Variants in DENND1A observed in about 807,000 individuals in gnomAD.
The protein encoded by DENND1A is DENN domain-containing protein 1A.
DENND1A carries 51 observed loss-of-function variants against 113.7 expected under a neutral mutation model. The ratio of observed to expected loss-of-function variants is 0.45; its 90% CI spans 0.36 to 0.57. The LOEUF (loss-of-function observed/expected upper bound fraction) is 0.57. Among genes scored for constraint, DENND1A ranks in the 20% least tolerant of loss-of-function variants. The pLI is 0.00. For synonymous variants in DENND1A, 565 were observed against 570.8 expected (o/e 0.99, Z 0.14); for missense variants, 1,258 against 1,395.9 (o/e 0.90, Z 1.57).
At chr9:123,607,359 G>C (rs899411912) in intron 11 of DENND1A, among the ~76,000 whole-genome samples, 2 of 150,242 alleles carry the variant, frequency 1.3e-5, no homozygotes, top group Admixed American at 1.3e-4. Flanking sequence ...TGAGGAAGAA[G>C]AGCATTCAGC....
In DENND1A at chr9:123,836,385, C is replaced by A. The variant is rs1841053195; in HGVS notation, c.88+42566G>T. Among the ~76,000 whole-genome samples the A allele has an allele frequency of 2.0e-5, 3 of 152,068 alleles. No homozygotes were observed. The South Asian group carries it at 6.2e-4, about 31-fold the overall frequency. The stretch of plus-strand genomic sequence containing the variant: ...AGTGCAGCCAAGCTCACACAAATTT[C>A]TTGACTATGGGTATTTTATTCACCA... On this transcript the variant is annotated intron_variant, in intron 2 of 23. Coordinates refer to ENST00000394215, the MANE Select transcript of DENND1A (RefSeq NM_001352964.2).
intron 1 of DENND1A, among the ~76,000 whole-genome samples, chr9:123,888,429 C>A (rs1333585040): frequency 2.6e-5 from 4 of 152,150 alleles, no homozygotes; most frequent in African/African-American, 9.7e-5. Context: ...AGTACCTCCC[C>A]CACAAAATAC....
At chr9:123,703,836 CAG>C in intron 5 of DENND1A, among the ~76,000 whole-genome samples, 1 of 152,028 alleles carries the variant, frequency 6.6e-6, no homozygotes, top group Non-Finnish European at 1.5e-5. Context: ...AAAAGGGGCA[CAG>C]AGAACTTTTG....
At chr9:123,698,851 A>T (rs1254930574) in intron 5 of DENND1A, among the ~76,000 whole-genome samples, 2 of 152,236 alleles carry the variant, frequency 1.3e-5, no homozygotes, top group Non-Finnish European at 2.9e-5. Context: ...AGATGGATCA[A>T]ACATATAAAG....
At chr9:123,416,099 G>A (rs1409981396) in intron 19 of DENND1A, among the ~76,000 whole-genome samples, 2 of 152,208 alleles carry the variant, frequency 1.3e-5, no homozygotes, top group Admixed American at 6.5e-5. Flanking sequence ...CAACAGTGTG[G>A]TTGGTGTGAG....
At chr9:123,728,506 A>AAAAAAAAAAAAAAAAAAAAAAAAAAAC (rs1564150268) in intron 5 of DENND1A, among the ~76,000 whole-genome samples, 1 of 145,814 alleles carries the variant, frequency 6.9e-6, no homozygotes, top group African/African-American at 2.7e-5. Context: ...AAAAAAAAAA[A>AAAAAAAAAAAAAAAAAAAAAAAAAAAC]AAAACAGGCA....
At chr9:123,412,182 G>T (rs2044358517) in intron 19 of DENND1A, among the ~76,000 whole-genome samples, 1 of 152,160 alleles carries the variant, frequency 6.6e-6, no homozygotes, top group Non-Finnish European at 1.5e-5. Context: ...CCTGCTCAAG[G>T]CTAGAGGCTG....
intron 13 of DENND1A, among the ~76,000 whole-genome samples, chr9:123,502,887 T>C (rs1339832742): frequency 6.6e-6 from 1 of 152,234 alleles, no homozygotes; most frequent in African/African-American, 2.4e-5. Context: ...GAAACATTTC[T>C]GAGCAACATG....
chr9:123,453,891 C>T (rs879770463), intron 16 of DENND1A, among the ~76,000 whole-genome samples: 1 of 152,190 alleles, frequency 6.6e-6, no homozygotes, highest in Non-Finnish European at 1.5e-5. Flanking sequence ...AGTATTGAAA[C>T]TCCCTTTATC....
Position 123,441,774 on chromosome 9 carries a change from A to G in DENND1A, c.1357-1283T>C, listed in dbSNP as rs1304918887. Among the ~76,000 whole-genome samples, 3 of 152,370 alleles carry G rather than the reference A, an allele frequency of 2.0e-5. No individual in the cohort carries two copies. The East Asian group carries it at 5.8e-4, about 29-fold the overall frequency. On this transcript the variant is annotated intron_variant, in intron 18 of 23. Transcript: ENST00000394215. ...AAAAATAACTCAGCCAGAATTATATAATGAACACAAGTTCCAATTATTTTC... is the reference window on the plus strand; with the variant it reads ...AAAAATAACTCAGCCAGAATTATATGATGAACACAAGTTCCAATTATTTTC...
chr9:123,577,712 C>T (rs561215299), intron 12 of DENND1A, among the ~76,000 whole-genome samples: 18 of 150,848 alleles, frequency 1.2e-4, no homozygotes, highest in Non-Finnish European at 2.4e-4. Context: ...CGAAGTTTAA[C>T]ATACACACAT....
chr9:123,678,907 C>T (rs1051945483), intron 5 of DENND1A, among the ~76,000 whole-genome samples: 10 of 152,150 alleles, frequency 6.6e-5, no homozygotes, highest in South Asian at 2.1e-4. Context: ...TTCTCCTTTC[C>T]TATTCTGTTA....
intron 5 of DENND1A, among the ~76,000 whole-genome samples, chr9:123,716,297 AC>A (rs1179704238): frequency 3.9e-5 from 6 of 152,192 alleles, no homozygotes; most frequent in African/African-American, 1.4e-4. Flanking sequence ...CATAACACTT[AC>A]CTTCAAAGAG....
chr9:123,505,247 T>G (rs2052821324), intron 13 of DENND1A, among the ~76,000 whole-genome samples: 1 of 152,264 alleles, frequency 6.6e-6, no homozygotes, highest in Non-Finnish European at 1.5e-5. Flanking sequence ...GGGCTTTATG[T>G]AAATATGTGA....
intron 9 of DENND1A, among the ~76,000 whole-genome samples, chr9:123,641,854 T>C (rs1447259288): frequency 1.3e-5 from 2 of 152,192 alleles, no homozygotes; most frequent in African/African-American, 4.8e-5. Flanking sequence ...ATACTAGACT[T>C]TGTGAACCAG....
At chr9:123,892,838 C>T (rs557178656) in intron 1 of DENND1A, among the ~76,000 whole-genome samples, 22 of 152,118 alleles carry the variant, frequency 1.4e-4, no homozygotes, top group East Asian at 3.9e-4. Flanking sequence ...AAAAATTAGC[C>T]GGGTGTGGTC....
rs555055663 is a variant in DENND1A, at chr9:123,750,335, C to T, written c.302+7368G>A. ...ATCTGTATGGCAATAAAACATGCAACATTCCCCAACCACTTCATTTTTTAA... is the reference window on the plus strand; with the variant it reads ...ATCTGTATGGCAATAAAACATGCAATATTCCCCAACCACTTCATTTTTTAA... On this transcript the variant is annotated intron_variant, in intron 5 of 23. Coordinates refer to ENST00000394215, the MANE Select transcript of DENND1A (RefSeq NM_001352964.2). 3.2e-4 allele frequency among the ~76,000 whole-genome samples: 49 copies of T among 152,338 alleles called. No individual in the cohort carries two copies. The South Asian group carries it at 9.7e-3, about 30-fold the overall frequency.
chr9:123,904,202 C>T (rs1417712402), intron 1 of DENND1A, among the ~76,000 whole-genome samples: 4 of 151,888 alleles, frequency 2.6e-5, no homozygotes, highest in African/African-American at 4.8e-5. Flanking sequence ...GACATCCACA[C>T]CAAAAACCCA....
intron 4 of DENND1A, among the ~76,000 whole-genome samples, chr9:123,768,601 TTTG>T (rs1291994883): frequency 1.3e-5 from 2 of 152,116 alleles, no homozygotes; most frequent in Non-Finnish European, 2.9e-5. Context: ...TAAAAGTGGG[TTTG>T]TTAAGATGTA....
Sources: gnomAD v4.1 joint callset for allele counts (sites outside exome capture counted in the v4.1 genomes callset) on GRCh38, gnomAD v4.1.1 for gene constraint, MANE v1.5 for transcripts, NCBI Gene and HGNC (gene_info 2026-07-23, HGNC 2026-07-21) for gene names.